The following SYNGR1 variants were observed in gnomAD, a reference collection of about 807,000 sequenced individuals.
SYNGR1 encodes synaptogyrin 1, also known as synaptogyrin-1.
SYNGR1 carries 14 observed loss-of-function variants against 26.1 expected under a neutral mutation model. The ratio of observed to expected loss-of-function variants is 0.54; its 90% confidence interval spans 0.35 to 0.84. The LOEUF (loss-of-function observed/expected upper bound fraction) is 0.84. Ranked by LOEUF, SYNGR1 falls within the 40% of genes least tolerant of loss-of-function variation. The pLI is 0.01. For missense variants in SYNGR1, 319 were observed against 332.9 expected (o/e 0.96, Z 0.33); for synonymous variants, 141 against 150.1 (o/e 0.94, Z 0.44).
chr22:39,385,542 G>A lies in SYNGR1; in HGVS notation c.*3628G>A, dbSNP rs1166831611. 1 of 152,584 alleles carries A rather than the reference G, an allele frequency of 6.6e-6. No individual in the cohort carries two copies. Among genetic ancestry groups the A allele is most frequent in the African/African-American group, 2.4e-5 (1 of 41,376 alleles). The allele number at this position is 152,584 out of a possible 1,614,324, so 9.5% of individuals were successfully genotyped here. A position where few individuals can be genotyped will look rare whatever the true frequency, so the allele number is the denominator to read the frequency against. ...AACCAAGTGAAGGTGGTGACTTCTG[G>A]TGACATAGTAATAAAGTGAAGACTC... is the stretch of plus-strand genomic sequence containing the variant. On this transcript the variant is annotated 3_prime_UTR_variant, in exon 4 of 4. Transcript: ENST00000328933.
rs1925598655 is a variant in SYNGR1 at position 39,384,540 on chromosome 22, G to A, written c.*2626G>A. The A allele has an allele frequency of 2.5e-6, 1 of 398,740 alleles. No individual in the cohort carries two copies. The allele number at this position is 398,740 out of a possible 1,614,324, so 24.7% of individuals were successfully genotyped here. The stretch of plus-strand genomic sequence containing the variant: ...GAGAGATGGAGGGCGAGATTTGGAT[G>A]GGACCCAGGGCTCCTGACTCTGCCC... On this transcript the variant is annotated 3_prime_UTR_variant, in exon 4 of 4. Transcript: ENST00000328933.
intron 1 of SYNGR1, among the ~76,000 whole-genome samples, chr22:39,356,599 G>T (rs937966623): frequency 6.6e-6 from 1 of 152,116 alleles, no homozygotes; most frequent in African/African-American, 2.4e-5. Context: ...GAAGAGAGGA[G>T]GAGAAGCCAG....
chr22:39,377,706 A>C, intron 3 of SYNGR1: 2 of 1,611,796 alleles, frequency 1.2e-6, no homozygotes, highest in Non-Finnish European at 1.7e-6. Context: ...CCCGGCTTGC[A>C]GAGGCCGGCA....
chr22:39,377,910 C>A, intron 3 of SYNGR1: 1 of 1,400,974 alleles, frequency 7.1e-7, no homozygotes, highest in Non-Finnish European at 9.4e-7. Context: ...ATTTATTGAG[C>A]AGCTGTTTTG....
intron 1 of SYNGR1, among the ~76,000 whole-genome samples, chr22:39,355,786 G>A (rs1470095292): frequency 1.3e-5 from 2 of 152,220 alleles, no homozygotes; most frequent in Admixed American, 1.3e-4. Flanking sequence ...GGGAGGCAGA[G>A]GCAGGTGGAT....
intron 1 of SYNGR1, among the ~76,000 whole-genome samples, chr22:39,365,827 C>A (rs918979016): frequency 2.6e-5 from 4 of 151,352 alleles, no homozygotes; most frequent in African/African-American, 9.7e-5. Flanking sequence ...CCCCCATCTG[C>A]TCTTTTTCTT....
chr22:39,352,450 A>G (rs1242161246), intron 1 of SYNGR1, among the ~76,000 whole-genome samples: 2 of 152,216 alleles, frequency 1.3e-5, no homozygotes, highest in African/African-American at 4.8e-5. Flanking sequence ...GAAGATGGTA[A>G]ATTGTATGTT....
At position 39,374,394 on chromosome 22, in the gene SYNGR1, A is replaced by G. The variant is rs770239217; in HGVS notation, c.178A>G (p.Ile60Val). 2 of 1,613,960 alleles carry G rather than the reference A, an allele frequency of 1.2e-6. No individual in the cohort carries two copies. The highest frequency in any genetic ancestry group is 1.6e-4 in the Middle Eastern group (1 of 6,084). ...NSASEGEEFCIYNRNPNACSY... is the reference protein window; with the variant it reads ...NSASEGEEFCVYNRNPNACSY... ...CGCCTCCGAGGGGGAGGAGTTCTGC[A>G]TCTACAACCGCAACCCCAACGCCTG... Residue 60 changes from isoleucine to valine, a missense_variant, in exon 2 of 4, where the codon ATC (isoleucine) becomes GTC (valine). Ile to Val is a conservative substitution (Grantham distance 29, BLOSUM62 3). Coordinates refer to ENST00000328933, the MANE Select transcript of SYNGR1 (RefSeq NM_004711.5).
chr22:39,357,740 C>T (rs1396112972), intron 1 of SYNGR1, among the ~76,000 whole-genome samples: 1 of 151,842 alleles, frequency 6.6e-6, no homozygotes, highest in Admixed American at 6.6e-5. Context: ...ACTTAGCGCC[C>T]GGGCCAGCGG....
At chr22:39,364,084 G>T (rs1924618378) in intron 1 of SYNGR1, 4 of 1,575,622 alleles carry the variant, frequency 2.5e-6, no homozygotes, top group East Asian at 2.3e-5. Flanking sequence ...GCACACCCTG[G>T]GTGGTCTGTC....
Position 39,381,961 on chromosome 22 carries a change from T to C in SYNGR1, c.*47T>C. ...CGCCCCTCCCCATCTGTCCCCTCTCTCCACACCCAGCCCCTGCTCCTGCCC... is the reference window on the plus strand; with the variant it reads ...CGCCCCTCCCCATCTGTCCCCTCTCCCCACACCCAGCCCCTGCTCCTGCCC... On this transcript the variant is annotated 3_prime_UTR_variant, in exon 4 of 4. Transcript: ENST00000328933. The C allele has an allele frequency of 1.9e-6, 3 of 1,545,966 alleles. No individual in the cohort carries two copies. In the East Asian group the frequency reaches 7.2e-5, roughly 37 times the overall value.
intron 3 of SYNGR1, chr22:39,377,649 G>A: frequency 1.2e-6 from 2 of 1,613,998 alleles, no homozygotes; most frequent in Non-Finnish European, 1.7e-6. Context: ...AAGCTTCCAG[G>A]AGGAGTACAG....
chr22:39,357,741 G>A (rs1012358642), intron 1 of SYNGR1, among the ~76,000 whole-genome samples: 3 of 151,856 alleles, frequency 2.0e-5, no homozygotes, highest in African/African-American at 7.3e-5. Flanking sequence ...CTTAGCGCCC[G>A]GGCCAGCGGC....
intron 3 of SYNGR1, 68 bp downstream of exon 3, chr22:39,376,265 C>G: frequency 6.2e-7 from 1 of 1,611,108 alleles, no homozygotes; most frequent in South Asian, 1.1e-5. Context: ...GGATGGGTGG[C>G]CTTTCGCTAG....
intron 1 of SYNGR1, among the ~76,000 whole-genome samples, chr22:39,356,693 G>C (rs950072840): frequency 2.0e-5 from 3 of 152,194 alleles, no homozygotes; most frequent in Admixed American, 2.0e-4. Context: ...GGAAGAACCA[G>C]CTGTCAGGTG....
chr22:39,365,729 G>A (rs186443839), intron 1 of SYNGR1, among the ~76,000 whole-genome samples: 1 of 152,252 alleles, frequency 6.6e-6, no homozygotes, highest in African/African-American at 2.4e-5. Context: ...CCCCACTTGT[G>A]GACCAGCAGG....
intron 1 of SYNGR1, among the ~76,000 whole-genome samples, chr22:39,370,366 A>G (rs891479329): frequency 7.2e-5 from 11 of 151,902 alleles, no homozygotes; most frequent in Non-Finnish European, 1.6e-4. Context: ...TCCTGACCTC[A>G]TGATCCACCC....
At chr22:39,367,078 T>G (rs894798975) in intron 1 of SYNGR1, among the ~76,000 whole-genome samples, 1 of 152,250 alleles carries the variant, frequency 6.6e-6, no homozygotes, top group Non-Finnish European at 1.5e-5. Flanking sequence ...CAAAGGTCGC[T>G]GCATCAGAGG....
chr22:39,363,722 G>A (rs867104402), intron 1 of SYNGR1, among the ~76,000 whole-genome samples: 2 of 152,108 alleles, frequency 1.3e-5, no homozygotes, highest in African/African-American at 2.4e-5. Context: ...GGAGGAGGCT[G>A]GAGAGGAGGC....
Sources: gnomAD v4.1 joint callset for allele counts (sites outside exome capture counted in the v4.1 genomes callset) on GRCh38, gnomAD v4.1.1 for gene constraint, MANE v1.5 for transcripts, NCBI Gene and HGNC (gene_info 2026-07-23, HGNC 2026-07-21) for gene names.